The following KIF26B variants were observed in gnomAD, a reference collection of about 807,000 sequenced individuals.
The protein encoded by KIF26B is kinesin family member 26B, also known as kinesin-like protein KIF26B.
KIF26B carries 63 observed loss-of-function variants against 151.2 expected under a neutral mutation model. The observed-to-expected ratio is 0.42, with a 90% CI of 0.34 to 0.51. KIF26B has a LOEUF of 0.51. Ranked by LOEUF, KIF26B falls within the 20% of genes least tolerant of loss-of-function variation. The probability of loss-of-function intolerance (pLI) is 0.07; values close to 1 mark genes in which losing one functional copy is unlikely to be tolerated. For missense variants in KIF26B, 2,813 were observed against 2,913.6 expected (o/e 0.97, Z 0.79); for synonymous variants, 1,357 against 1,262.1 (o/e 1.08, Z -1.59).
chr1:245,301,300 G>C (rs1671425118), intron 2 of KIF26B, among the ~76,000 whole-genome samples: 1 of 152,192 alleles, frequency 6.6e-6, no homozygotes, highest in Non-Finnish European at 1.5e-5. Context: ...TCTTGGAACT[G>C]AGCTTGAGCA....
chr1:245,658,688 A>G (rs7539691), intron 10 of KIF26B, among the ~76,000 whole-genome samples: 88,820 of 151,908 alleles, frequency 0.58, 26,256 homozygotes, highest in Middle Eastern at 0.64. Context: ...CACTGTACCC[A>G]GCCAATCAGT....
At chr1:245,311,305 G>A (rs1247705179) in intron 2 of KIF26B, among the ~76,000 whole-genome samples, 2 of 152,156 alleles carry the variant, frequency 1.3e-5, no homozygotes, top group East Asian at 1.9e-4. Flanking sequence ...CTGCAGGGTC[G>A]TTGTCACAGC....
intron 9 of KIF26B, among the ~76,000 whole-genome samples, chr1:245,635,904 T>C (rs947115784): frequency 9.2e-5 from 14 of 152,164 alleles, no homozygotes; most frequent in African/African-American, 2.7e-4. Context: ...TGGGGCCAAG[T>C]TGTGGAGTTT....
intron 2 of KIF26B, among the ~76,000 whole-genome samples, chr1:245,173,760 C>T (rs1245365189): frequency 1.3e-5 from 2 of 152,210 alleles, no homozygotes; most frequent in African/African-American, 4.8e-5. Flanking sequence ...GTCCCCCCCA[C>T]CTTTTTCTCT....
chr1:245,462,057 G>A (rs191710118), intron 4 of KIF26B, among the ~76,000 whole-genome samples: 21 of 152,190 alleles, frequency 1.4e-4, no homozygotes, highest in African/African-American at 4.6e-4. Flanking sequence ...AGGAGTTTGA[G>A]GTTACAAGTG....
At chr1:245,354,557 G>A (rs1261875084) in intron 2 of KIF26B, among the ~76,000 whole-genome samples, 1 of 152,238 alleles carries the variant, frequency 6.6e-6, no homozygotes, top group African/African-American at 2.4e-5. Flanking sequence ...TAGCCAGATG[G>A]CGGGGGAGTT....
rs1310335786 is a variant in KIF26B, at chr1:245,699,019, A to C, written c.6160A>C (p.Asn2054His). ...ATKQYLMLDP[N>H]KWLSEFDLEQ... Reference sequence around the variant, plus strand: ...CAAACAGTATCTGATGCTGGATCCCAACAAGTGGCTCAGTGAATGTAAGGC... The same window carrying C: ...CAAACAGTATCTGATGCTGGATCCCCACAAGTGGCTCAGTGAATGTAAGGC... The change falls in exon 14 of 15, where the codon AAC (asparagine) becomes CAC (histidine). Residue 2054 changes from asparagine (N) to histidine (H), a missense_variant. By Grantham distance (68) the Asn-to-His change is moderately conservative (BLOSUM62 1). This residue lies in a region of KIF26B where 2,060 missense variants were observed against 2,088.6 expected (regional missense o/e 0.99). Transcript: ENST00000407071. The C allele has an allele frequency of 6.2e-7, 1 of 1,613,836 alleles. No homozygotes were observed. The highest frequency in any genetic ancestry group is 1.1e-5 in the South Asian group (1 of 91,068).
chr1:245,347,787 A>G (rs555464356), intron 2 of KIF26B, among the ~76,000 whole-genome samples: 3 of 152,374 alleles, frequency 2.0e-5, no homozygotes, highest in East Asian at 3.9e-4. Flanking sequence ...TCAAGACTAA[A>G]TAACATTTGT....
chr1:245,640,159 A>ATATATATATATATATG lies in KIF26B; in HGVS notation c.2099-5960_2099-5959insTATATATATATATGTA, dbSNP rs1168172493. 2.7e-3 allele frequency among the ~76,000 whole-genome samples: 92 copies of ATATATATATATATATG among 34,330 alleles called. 2 individuals carry two copies. Among genetic ancestry groups the ATATATATATATATATG allele is most frequent in the Non-Finnish European group, 3.6e-3 (53 of 14,766 alleles). The allele number at this position is 34,330 out of a possible 152,430, so 22.5% of individuals were successfully genotyped here. ...TCTCTCTCTCTATATATATATATAT[A>ATATATATATATATATG]TACCCTGCTATTTGGTTATATATAT... is the stretch of plus-strand genomic sequence containing the variant. On this transcript the variant is annotated intron_variant, in intron 9 of 14. Transcript: ENST00000407071.
In KIF26B at chr1:245,706,063, C is replaced by T. The variant is rs2044837023; in HGVS notation, c.*3457C>T. 1 of 152,230 alleles carries T rather than the reference C, an allele frequency of 6.6e-6. No homozygotes were observed. Among genetic ancestry groups the T allele is most frequent in the South Asian group, 2.1e-4 (1 of 4,824 alleles). 9.4% of individuals were successfully genotyped at this position (152,230 alleles called of 1,614,324 possible). ...TCCTCTCATGAGAAGCTGGGGTAAA[C>T]AGCCAGGCATCGCAGCGTGGGGAAT... On this transcript the variant is annotated 3_prime_UTR_variant, in exon 15 of 15. Coordinates refer to ENST00000407071, the MANE Select transcript of KIF26B (RefSeq NM_018012.4).
At chr1:245,672,155 C>T (rs550335976) in intron 10 of KIF26B, among the ~76,000 whole-genome samples, 9 of 152,038 alleles carry the variant, frequency 5.9e-5, no homozygotes, top group East Asian at 1.9e-4. Flanking sequence ...GGGCAAGCCC[C>T]GAGGACTCCA....
intron 2 of KIF26B, among the ~76,000 whole-genome samples, chr1:245,304,447 A>C (rs1245108769): frequency 6.6e-6 from 1 of 152,224 alleles, no homozygotes; most frequent in Non-Finnish European, 1.5e-5. Flanking sequence ...AACAAAATGC[A>C]GTTGGTATCA....
rs1275010005 is a variant in KIF26B at position 245,702,668 on chromosome 1, C to CCCTAGGCCCTCTGTGCTGGG, written c.*63_*82dup. ...CCAGGACTTCAGAGATGTTGCACGC[C>CCCTAGGCCCTCTGTGCTGGG]CCTAGGCCCTCTGTGCTGGGGCATC... is the stretch of plus-strand genomic sequence containing the variant. On this transcript the variant is annotated 3_prime_UTR_variant, in exon 15 of 15. Coordinates refer to ENST00000407071, the MANE Select transcript of KIF26B (RefSeq NM_018012.4). This position sits in a 1 kb window ranked among gnomAD's most constrained non-coding sequence, Gnocchi z 4.1. 2.6e-6 allele frequency: 4 copies of CCCTAGGCCCTCTGTGCTGGG among 1,544,020 alleles called. No homozygotes were observed. The highest frequency in any genetic ancestry group is 3.5e-6 in the Non-Finnish European group (4 of 1,136,316).
Position 245,698,758 on chromosome 1 carries a change from G to T in KIF26B, c.6028-129G>T. On this transcript the variant is annotated intron_variant, in intron 13 of 14. Transcript: ENST00000407071. The surrounding 1 kb of genome is among the most constrained non-coding windows in gnomAD (Gnocchi z 4.0). ...GTCTGTCAAGGGAGAATTTGGTGGGGATGACCCATGTCCCTCCCACACGTC... is the reference window on the plus strand; with the variant it reads ...GTCTGTCAAGGGAGAATTTGGTGGGTATGACCCATGTCCCTCCCACACGTC... 7 of 1,126,902 alleles carry T rather than the reference G, an allele frequency of 6.2e-6. No homozygotes were observed. The highest frequency in any genetic ancestry group is 8.7e-6 in the Non-Finnish European group (7 of 800,308). 69.8% of individuals were successfully genotyped at this position (1,126,902 alleles called of 1,614,324 possible).
chr1:245,316,863 CA>C (rs1323863848), intron 2 of KIF26B, among the ~76,000 whole-genome samples: 1 of 111,660 alleles, frequency 9.0e-6, no homozygotes, highest in African/African-American at 4.5e-5. Context: ...CTTCAAGGGA[CA>C]AAAACCTGCA....
At chr1:245,208,057 C>T (rs944176680) in intron 2 of KIF26B, among the ~76,000 whole-genome samples, 1 of 152,138 alleles carries the variant, frequency 6.6e-6, no homozygotes, top group Non-Finnish European at 1.5e-5. Flanking sequence ...GATTTCTTTT[C>T]CTGACAGATA....
At chr1:245,691,123 T>C (rs1251838264) in intron 12 of KIF26B, among the ~76,000 whole-genome samples, 1 of 152,246 alleles carries the variant, frequency 6.6e-6, no homozygotes, top group Non-Finnish European at 1.5e-5. Context: ...TACCAGTCCA[T>C]TTCATTATTT....
At chr1:245,176,591 C>T (rs899447065) in intron 2 of KIF26B, among the ~76,000 whole-genome samples, 9 of 152,036 alleles carry the variant, frequency 5.9e-5, no homozygotes, top group African/African-American at 2.2e-4. Context: ...TGAGCCACTC[C>T]CCACAAGACG....
chr1:245,690,957 C>T (rs542926949), intron 12 of KIF26B, among the ~76,000 whole-genome samples: 4 of 152,314 alleles, frequency 2.6e-5, no homozygotes, highest in East Asian at 1.9e-4. Context: ...AAGCATCTGC[C>T]GGCCTTCCCA....
Sources: gnomAD v4.1 joint callset for allele counts (sites outside exome capture counted in the v4.1 genomes callset) on GRCh38, gnomAD v4.1.1 for gene constraint, gnomAD v4.1.1 regional missense constraint, Gnocchi (gnomAD v3.1) non-coding constraint, MANE v1.5 for transcripts, NCBI Gene and HGNC (gene_info 2026-07-23, HGNC 2026-07-21) for gene names.